The following CEP128 variants were observed in gnomAD, a reference collection of about 807,000 sequenced individuals.
CEP128 encodes the protein centrosomal protein 128.
Under a neutral mutation model 156.7 loss-of-function variants are expected in CEP128, and 132 were observed. The observed-to-expected ratio is 0.84, with a 90% CI of 0.73 to 0.97. The LOEUF (loss-of-function observed/expected upper bound fraction) is 0.97. Among genes scored for constraint, CEP128 ranks in the 50% least tolerant of loss-of-function variants. The pLI, the probability that CEP128 is intolerant of heterozygous loss-of-function variation, is 0.00. For synonymous variants in CEP128, 469 were observed against 448.9 expected (o/e 1.04, Z -0.57); for missense variants, 1,252 against 1,281.9 (o/e 0.98, Z 0.36).
chr14:80,530,885 C>A lies in CEP128; in HGVS notation c.2882G>T (p.Ser961Ile). ...CAGATGGTCCAAGGCCACTTGGGTA[C>A]TCTGAAATAGAAAACATAAGGAAAC... ...LQDRVIALET[S>I]TQVALDHLES... The change falls in exon 22 of 25, where the codon AGT (serine) becomes ATT (isoleucine). Residue 961 changes from serine to isoleucine, a missense_variant and splice_region_variant. Coordinates refer to ENST00000555265, the MANE Select transcript of CEP128 (RefSeq NM_152446.5). The A allele has an allele frequency of 6.3e-7, 1 of 1,593,814 alleles. No homozygotes were observed.
At chr14:80,763,481 T>C (rs1350292458) in intron 16 of CEP128, among the ~76,000 whole-genome samples, 1 of 152,160 alleles carries the variant, frequency 6.6e-6, no homozygotes, top group Non-Finnish European at 1.5e-5. Flanking sequence ...TATTACTAAG[T>C]CTCTAGGTGA....
intron 19 of CEP128, among the ~76,000 whole-genome samples, chr14:80,601,225 T>C (rs79735014): frequency 0.017 from 2,605 of 152,262 alleles, 77 homozygotes; most frequent in African/African-American, 0.06. Flanking sequence ...AAATGGCAGA[T>C]GTGTTTCCTT....
At chr14:80,957,508 T>C (rs1177729379) in intron 2 of CEP128, among the ~76,000 whole-genome samples, 3 of 151,844 alleles carry the variant, frequency 2.0e-5, no homozygotes, top group African/African-American at 7.3e-5. Context: ...CAAATGAATA[T>C]GCCAGGTCTC....
intron 20 of CEP128, among the ~76,000 whole-genome samples, chr14:80,564,557 A>G (rs901834131): frequency 6.6e-6 from 1 of 152,258 alleles, no homozygotes; most frequent in Non-Finnish European, 1.5e-5. Context: ...ACAGTGACAG[A>G]AATTAAACCT....
At chr14:80,558,145 C>T (rs960278993) in intron 21 of CEP128, among the ~76,000 whole-genome samples, 1 of 151,834 alleles carries the variant, frequency 6.6e-6, no homozygotes, top group Non-Finnish European at 1.5e-5. Flanking sequence ...TTTTTATATG[C>T]CTATATGTCA....
chr14:80,826,151 T>C (rs566818282), intron 13 of CEP128, among the ~76,000 whole-genome samples: 1 of 150,378 alleles, frequency 6.6e-6, no homozygotes, highest in Non-Finnish European at 1.5e-5. Context: ...GTCATCTTTG[T>C]GAAAAATACA....
chr14:80,954,303 A>G (rs751046535), intron 2 of CEP128, among the ~76,000 whole-genome samples: 1 of 152,064 alleles, frequency 6.6e-6, no homozygotes, highest in Non-Finnish European at 1.5e-5. Flanking sequence ...AAATTTGTGC[A>G]TGTTGTATCA....
chr14:80,862,953 C>T (rs1362442402), intron 8 of CEP128, 80 bp from the exon 9 acceptor site: 15 of 951,072 alleles, frequency 1.6e-5, no homozygotes, highest in Non-Finnish European at 1.2e-5. Flanking sequence ...AGTTTTATAG[C>T]AGATACACTA....
chr14:80,534,245 A>C (rs1373879927), intron 21 of CEP128, among the ~76,000 whole-genome samples: 1 of 152,024 alleles, frequency 6.6e-6, no homozygotes, highest in Non-Finnish European at 1.5e-5. Flanking sequence ...TTTTAATTTA[A>C]GATTGGCTGG....
intron 24 of CEP128, among the ~76,000 whole-genome samples, chr14:80,499,793 G>C (rs925552304): frequency 3.3e-5 from 5 of 152,172 alleles, no homozygotes; most frequent in Non-Finnish European, 7.3e-5. Context: ...TCTAAAAGGA[G>C]CTATACATAG....
intron 16 of CEP128, among the ~76,000 whole-genome samples, chr14:80,767,550 C>T (rs1301970691): frequency 6.6e-6 from 1 of 152,056 alleles, no homozygotes; most frequent in Non-Finnish European, 1.5e-5. Flanking sequence ...GGGAAACCAA[C>T]TCTTCTCAAG....
intron 13 of CEP128, among the ~76,000 whole-genome samples, chr14:80,817,266 C>A (rs1348368580): frequency 6.6e-6 from 1 of 152,110 alleles, no homozygotes; most frequent in Non-Finnish European, 1.5e-5. Context: ...GAGAACGAAT[C>A]AGTATTCAAA....
chr14:80,954,848 A>G (rs1886569757), intron 2 of CEP128: 1 of 152,282 alleles, frequency 6.6e-6, no homozygotes, highest in Admixed American at 6.5e-5. Flanking sequence ...TGGGTCGACC[A>G]GAATTTCCAT....
intron 19 of CEP128, among the ~76,000 whole-genome samples, chr14:80,626,260 C>A (rs1197125868): frequency 1.3e-5 from 2 of 150,500 alleles, no homozygotes; most frequent in African/African-American, 4.9e-5. Context: ...GTCAGGAGAT[C>A]GAGACCATCC....
chr14:80,872,242 G>A (rs1216947377), intron 8 of CEP128, among the ~76,000 whole-genome samples: 1 of 152,026 alleles, frequency 6.6e-6, no homozygotes, highest in Non-Finnish European at 1.5e-5. Context: ...TTTCCCATAT[G>A]GTATAAGGCC....
chr14:80,616,469 G>A (rs1221897397), intron 19 of CEP128, among the ~76,000 whole-genome samples: 1 of 152,144 alleles, frequency 6.6e-6, no homozygotes, highest in Non-Finnish European at 1.5e-5. Context: ...ATCTAATTCA[G>A]GTCTGACTTC....
At chr14:80,675,566 G>A (rs1425267219) in intron 19 of CEP128, among the ~76,000 whole-genome samples, 2 of 152,118 alleles carry the variant, frequency 1.3e-5, no homozygotes, top group East Asian at 3.9e-4. Context: ...GGTCTTCTAT[G>A]AAATGTCTTT....
chr14:80,536,426 A>C (rs1889487929), intron 21 of CEP128, among the ~76,000 whole-genome samples: 1 of 152,208 alleles, frequency 6.6e-6, no homozygotes, highest in African/African-American at 2.4e-5. Flanking sequence ...TTAAAAATAA[A>C]TGTGTGAGTT....
chr14:80,702,105 A>G (rs1356101914), intron 19 of CEP128, among the ~76,000 whole-genome samples: 2 of 152,136 alleles, frequency 1.3e-5, no homozygotes, highest in African/African-American at 2.4e-5. Context: ...ACCTTCTAAC[A>G]TACTCTATAA....
Sources: allele counts gnomAD v4.1 joint callset (sites outside exome capture counted in the v4.1 genomes callset), GRCh38; gene constraint gnomAD v4.1.1; transcripts MANE v1.5; gene names NCBI Gene and HGNC (gene_info 2026-07-23, HGNC 2026-07-21).